Variants in ZFPM2 observed in about 807,000 individuals in gnomAD.
ZFPM2 encodes zinc finger protein ZFPM2.
In ZFPM2, 20 loss-of-function variants were observed where a neutral mutation model predicts 98.6. The observed-to-expected ratio is 0.20, with a 90% CI of 0.14 to 0.29. The LOEUF (loss-of-function observed/expected upper bound fraction) is 0.29, where lower values mean the gene tolerates loss of function less well. Among genes scored for constraint, ZFPM2 ranks in the 10% least tolerant of loss-of-function variants. The pLI is 1.00. For missense variants in ZFPM2, 1,310 were observed against 1,388.6 expected (o/e 0.94, Z 0.90); for synonymous variants, 518 against 502.7 (o/e 1.03, Z -0.41).
chr8:105,652,383 A>G (rs971606348), intron 5 of ZFPM2, among the ~76,000 whole-genome samples: 1 of 150,516 alleles, frequency 6.6e-6, no homozygotes, highest in South Asian at 2.1e-4. Flanking sequence ...AGGCTGTCTG[A>G]GGCCTGTGAA....
chr8:105,739,372 A>T (rs944106348), intron 5 of ZFPM2, among the ~76,000 whole-genome samples: 1 of 152,054 alleles, frequency 6.6e-6, no homozygotes, highest in Admixed American at 6.6e-5. Context: ...GAATTGTTGG[A>T]TGCAAACTGT....
chr8:105,553,626 G>A lies in ZFPM2; in HGVS notation c.302-7737G>A, dbSNP rs558777592. ...TTGGACTAATAGCTTCTGATTTGCT[G>A]CTGTCACCCAGTACCTCCTCATGCT... On this transcript the variant is annotated intron_variant, in intron 3 of 7. Coordinates refer to ENST00000407775, the MANE Select transcript of ZFPM2 (RefSeq NM_012082.4). Among the ~76,000 whole-genome samples, 3 of 152,214 alleles carry A rather than the reference G, an allele frequency of 2.0e-5. No individual in the cohort carries two copies. The South Asian group carries it at 6.2e-4, about 32-fold the overall frequency.
chr8:105,609,997 G>C (rs1430185123), intron 4 of ZFPM2, among the ~76,000 whole-genome samples: 1 of 152,118 alleles, frequency 6.6e-6, no homozygotes. Context: ...ACCACCCATC[G>C]CAGCCCTCTT....
intron 1 of ZFPM2, among the ~76,000 whole-genome samples, chr8:105,330,601 TATATATATACAC>T (rs1812207142): frequency 3.7e-5 from 1 of 27,206 alleles, no homozygotes; most frequent in African/African-American, 2.0e-4. Context: ...TATACATATA[TATATATATACAC>T]ATATATATAT....
intron 6 of ZFPM2, among the ~76,000 whole-genome samples, chr8:105,793,399 T>G (rs1365070054): frequency 6.6e-6 from 1 of 152,214 alleles, no homozygotes; most frequent in Non-Finnish European, 1.5e-5. Flanking sequence ...TCTTTAAGAA[T>G]GTTGAATATT....
In ZFPM2 at chr8:105,494,183, GTATATATATATATATATATATA is replaced by G. The variant is rs61035457; in HGVS notation, c.301+49825_301+49846del. 1.8e-3 allele frequency among the ~76,000 whole-genome samples: 108 copies of G among 60,002 alleles called. 4 individuals are homozygous for G. The highest frequency in any genetic ancestry group is 9.1e-3 in the East Asian group (11 of 1,214). The allele number at this position is 60,002 out of a possible 152,430, so 39.4% of individuals were successfully genotyped here. A position where few individuals can be genotyped will look rare whatever the true frequency, so the allele number is the denominator to read the frequency against. ...GCTCACATTTAAGCTGCCACCAAAA[GTATATATATATATATATATATA>G]TATATATATATATATATATATAATC... On this transcript the variant is annotated intron_variant, in intron 3 of 7. Transcript: ENST00000407775.
At chr8:105,783,838 A>G (rs7016937) in intron 5 of ZFPM2, among the ~76,000 whole-genome samples, 25,635 of 152,082 alleles carry the variant, frequency 0.17, 3,816 homozygotes, top group African/African-American at 0.4. Flanking sequence ...GAACCATGCC[A>G]CTATGAGCCT....
intron 5 of ZFPM2, among the ~76,000 whole-genome samples, chr8:105,689,595 A>G (rs1810828117): frequency 6.6e-6 from 1 of 152,204 alleles, no homozygotes; most frequent in Non-Finnish European, 1.5e-5. Flanking sequence ...TTTTATGTAT[A>G]AACAAGTTGA....
chr8:105,387,979 A>G (rs1199932048), intron 1 of ZFPM2: 2 of 152,262 alleles, frequency 1.3e-5, no homozygotes, highest in African/African-American at 4.8e-5. Context: ...AGAAATTCCC[A>G]TAAAATGCTT....
At chr8:105,573,656 C>G (rs1043844812) in intron 4 of ZFPM2, among the ~76,000 whole-genome samples, 24 of 152,078 alleles carry the variant, frequency 1.6e-4, no homozygotes, top group African/African-American at 4.6e-4. Flanking sequence ...ATTAATTTTG[C>G]AATAAAGACA....
At position 105,803,401 on chromosome 8, in the gene ZFPM2, G is replaced by A. The variant is rs765370235; in HGVS notation, c.3319G>A (p.Gly1107Ser). 3 of 1,613,844 alleles carry A rather than the reference G, an allele frequency of 1.9e-6. No individual in the cohort carries two copies. Among genetic ancestry groups the A allele is most frequent in the Non-Finnish European group, 2.5e-6 (3 of 1,179,820 alleles). ...GGAACAGTTGTCTAGTATAGCAAAA[G>A]GTGTGAATGGTTCCAGCCAGGCTCC... ...AEEQLSSIAK[G>S]VNGSSQAPTS... is the part of the protein sequence containing the mutation. Residue 1107 changes from glycine (G) to serine (S), a missense_variant, in exon 8 of 8, where the codon GGT (glycine) becomes AGT (serine). By Grantham distance (56) the Gly-to-Ser change is moderately conservative. Transcript: ENST00000407775.
intron 1 of ZFPM2, among the ~76,000 whole-genome samples, chr8:105,394,038 C>T (rs547521561): frequency 1.3e-4 from 19 of 151,892 alleles, no homozygotes; most frequent in Middle Eastern, 3.4e-3. Flanking sequence ...AGACTACAGG[C>T]GCCTGCCACC....
At chr8:105,723,997 C>T (rs912960145) in intron 5 of ZFPM2, among the ~76,000 whole-genome samples, 3 of 151,514 alleles carry the variant, frequency 2.0e-5, no homozygotes, top group East Asian at 3.9e-4. Flanking sequence ...TTTTTAAAGC[C>T]AAAACTCTGT....
chr8:105,652,447 A>C (rs974285319), intron 5 of ZFPM2, among the ~76,000 whole-genome samples: 4 of 151,390 alleles, frequency 2.6e-5, no homozygotes, highest in African/African-American at 9.7e-5. Flanking sequence ...TGTTGCAAGC[A>C]AGAGTATTCC....
intron 1 of ZFPM2, among the ~76,000 whole-genome samples, chr8:105,343,603 C>T (rs1306564477): frequency 6.6e-6 from 1 of 152,102 alleles, no homozygotes; most frequent in Non-Finnish European, 1.5e-5. Context: ...AGCTCAGCAT[C>T]AGTAAAATAG....
At chr8:105,496,527 A>C (rs866839641) in intron 3 of ZFPM2, among the ~76,000 whole-genome samples, 2 of 152,142 alleles carry the variant, frequency 1.3e-5, no homozygotes, top group African/African-American at 4.8e-5. Flanking sequence ...TTCCCAGTGC[A>C]TCATGTCAGG....
intron 5 of ZFPM2, among the ~76,000 whole-genome samples, chr8:105,763,711 A>G (rs1337534769): frequency 3.3e-5 from 5 of 151,906 alleles, no homozygotes. Flanking sequence ...AAATATTTAT[A>G]GTTGAGTTCC....
intron 3 of ZFPM2, among the ~76,000 whole-genome samples, chr8:105,464,186 G>C (rs1470765264): frequency 2.6e-5 from 4 of 151,988 alleles, no homozygotes; most frequent in African/African-American, 9.7e-5. Flanking sequence ...ATCCAGAACA[G>C]CTCAGTTCAC....
At chr8:105,692,958 A>G (rs1409510512) in intron 5 of ZFPM2, among the ~76,000 whole-genome samples, 2 of 152,190 alleles carry the variant, frequency 1.3e-5, no homozygotes, top group Non-Finnish European at 2.9e-5. Flanking sequence ...TTCCAGAGAA[A>G]GTATGGGAGT....
Sources: gnomAD v4.1 joint callset for allele counts (sites outside exome capture counted in the v4.1 genomes callset) on GRCh38, gnomAD v4.1.1 for gene constraint, MANE v1.5 for transcripts, NCBI Gene and HGNC (gene_info 2026-07-23, HGNC 2026-07-21) for gene names.